POU2F1: variants seen among roughly 807,000 people sequenced by gnomAD.
POU2F1 encodes POU domain, class 2, transcription factor 1.
A neutral mutation model predicts 84.9 loss-of-function variants in POU2F1; 16 were observed. The ratio of observed to expected loss-of-function variants is 0.19; its 90% CI spans 0.13 to 0.29. The LOEUF is 0.29. Ranked by LOEUF, POU2F1 falls within the 10% of genes least tolerant of loss-of-function variation. The pLI, the probability that POU2F1 is intolerant of heterozygous loss-of-function variation, is 1.00. For missense variants in POU2F1, 738 were observed against 942.6 expected (o/e 0.78, Z 2.84); for synonymous variants, 368 against 368.3 (o/e 1.00, Z 0.01).
intron 8 of POU2F1, among the ~76,000 whole-genome samples, chr1:167,385,412 C>G (rs1490988071): frequency 1.3e-5 from 2 of 151,964 alleles, no homozygotes; most frequent in Non-Finnish European, 2.9e-5. Context: ...CTACTGATGT[C>G]AAGAATAATT....
intron 2 of POU2F1, among the ~76,000 whole-genome samples, chr1:167,347,739 A>G (rs1026987596): frequency 1.3e-5 from 2 of 152,162 alleles, no homozygotes; most frequent in Admixed American, 6.5e-5. Context: ...GTTTGTCTCT[A>G]TAAATTTACC....
At chr1:167,253,387 C>CA (rs1291805804) in intron 1 of POU2F1, among the ~76,000 whole-genome samples, 4 of 124,282 alleles carry the variant, frequency 3.2e-5, no homozygotes, top group African/African-American at 9.1e-5. Context: ...CCCCCCCCCC[C>CA]CCAAACACAC....
chr1:167,302,102 C>T (rs1654742207), intron 1 of POU2F1, among the ~76,000 whole-genome samples: 2 of 151,998 alleles, frequency 1.3e-5, no homozygotes, highest in Admixed American at 1.3e-4. Context: ...GAGTCTTGCT[C>T]TGTCACCCAG....
intron 1 of POU2F1, among the ~76,000 whole-genome samples, chr1:167,300,843 T>C (rs1327582547): frequency 3.9e-5 from 6 of 152,136 alleles, no homozygotes; most frequent in Non-Finnish European, 7.4e-5. Context: ...TGATCTCGGC[T>C]CACTGCAACC....
chr1:167,270,488 T>A (rs150425703), intron 1 of POU2F1, among the ~76,000 whole-genome samples: 1 of 152,174 alleles, frequency 6.6e-6, no homozygotes, highest in African/African-American at 2.4e-5. Flanking sequence ...CCATTCCTGT[T>A]GTCTGTGTAG....
At chr1:167,248,230 T>C (rs1234109421) in intron 1 of POU2F1, among the ~76,000 whole-genome samples, 4 of 152,246 alleles carry the variant, frequency 2.6e-5, no homozygotes, top group Non-Finnish European at 5.9e-5. Context: ...CATTTATTCA[T>C]GATAGACAAG....
rs536573679 is a variant in POU2F1 at position 167,359,204 on chromosome 1, CTA to C, written c.128-6261_128-6260del. 1.8e-4 allele frequency among the ~76,000 whole-genome samples: 26 copies of C among 146,616 alleles called. No individual in the cohort carries two copies. In the South Asian group the frequency reaches 5.3e-3, roughly 30 times the overall value. ...TAGACTTTTTTTAAAAAAAAAAAAA[CTA>C]TTTTTGTTTTAGATGTAGGGGGTAA... is the stretch of plus-strand genomic sequence containing the variant. On this transcript the variant is annotated intron_variant, in intron 2 of 15. Coordinates refer to ENST00000367866, the MANE Select transcript of POU2F1 (RefSeq NM_002697.4).
Position 167,420,918 on chromosome 1 carries a change from T to C in POU2F1, c.*5108T>C, listed in dbSNP as rs374085802. On this transcript the variant is annotated 3_prime_UTR_variant, in exon 16 of 16. Coordinates refer to ENST00000367866, the MANE Select transcript of POU2F1 (RefSeq NM_002697.4). ...ACTTGATGAACTTAAAGTTTGTTTA[T>C]TAGAGTTGAAAACATTAAAAGATGA... is the stretch of plus-strand genomic sequence containing the variant. 1 of 152,228 alleles carries C rather than the reference T, an allele frequency of 6.6e-6. No homozygotes were observed. The highest frequency in any genetic ancestry group is 6.5e-5 in the Admixed American group (1 of 15,288). 9.4% of individuals were successfully genotyped at this position (152,228 alleles called of 1,614,324 possible).
chr1:167,411,041 CT>C (rs749882885), intron 13 of POU2F1, among the ~76,000 whole-genome samples: 7,728 of 143,960 alleles, frequency 0.054, 439 homozygotes, highest in African/African-American at 0.15. Flanking sequence ...CAAATAATTT[CT>C]TTTTTTTTTT....
intron 1 of POU2F1, among the ~76,000 whole-genome samples, chr1:167,332,023 A>G (rs1303074952): frequency 6.6e-6 from 1 of 152,056 alleles, no homozygotes; most frequent in African/African-American, 2.4e-5. Context: ...TTTTATCAAG[A>G]TTACCAGTGG....
chr1:167,262,161 T>C (rs1257137371), intron 1 of POU2F1, among the ~76,000 whole-genome samples: 1 of 152,182 alleles, frequency 6.6e-6, no homozygotes, highest in Non-Finnish European at 1.5e-5. Context: ...GTTCAATAAA[T>C]GTTGCTTTTT....
In POU2F1 at chr1:167,220,915, A is replaced by G. The variant is rs745679840; in HGVS notation, c.18A>G (p.Ala6=). Residue 6 remains alanine, a synonymous_variant, in exon 1 of 16, where the codon GCA becomes GCG. Coordinates refer to ENST00000367866, the MANE Select transcript of POU2F1 (RefSeq NM_002697.4). MADGG[A]ASQDESSAAA... is the part of the protein sequence containing the mutation. ...TATTCAAAATGGCGGACGGAGGAGC[A>G]GCGAGTCAAGATGAGAGTTCAGCCG... 1.4e-5 allele frequency: 22 copies of G among 1,535,322 alleles called. No homozygotes were observed. Among genetic ancestry groups the G allele is most frequent in the South Asian group, 4.8e-5 (4 of 84,022 alleles).
rs545219639 is a variant in POU2F1 at position 167,424,854 on chromosome 1, A to T, written c.*9044A>T. 1.3e-5 allele frequency: 2 copies of T among 152,114 alleles called. No homozygotes were observed. Among genetic ancestry groups the T allele is most frequent in the South Asian group, 4.2e-4 (2 of 4,818 alleles). The allele number at this position is 152,114 out of a possible 1,614,324, so 9.4% of individuals were successfully genotyped here. On this transcript the variant is annotated 3_prime_UTR_variant, in exon 16 of 16. Transcript: ENST00000367866. Reference sequence around the variant, plus strand: ...GTTTCTGACAGCTGGCCACACGTCAACTTCTGTACTTGCCTTTTCCTTGGT... The same window carrying T: ...GTTTCTGACAGCTGGCCACACGTCATCTTCTGTACTTGCCTTTTCCTTGGT...
At chr1:167,237,773 T>TATATATATATATATATA (rs1491447077) in intron 1 of POU2F1, among the ~76,000 whole-genome samples, 2 of 50,924 alleles carry the variant, frequency 3.9e-5, no homozygotes, top group African/African-American at 7.8e-5. Context: ...TATATATATA[T>TATATATATATATATATA]TTTTTTTTTT....
chr1:167,321,005 C>T (rs1372016749), intron 1 of POU2F1, among the ~76,000 whole-genome samples: 1 of 152,154 alleles, frequency 6.6e-6, no homozygotes, highest in Non-Finnish European at 1.5e-5. Flanking sequence ...TTCTGTGGCA[C>T]AATGGTAGTG....
In POU2F1 at chr1:167,427,275, CTT is replaced by C. The variant is rs1270086407; in HGVS notation, c.*11466_*11467del. The stretch of plus-strand genomic sequence containing the variant: ...TGTAATTTTTTATATATATATTAAA[CTT>C]ACTGTAACTGTACAGTTCATTTCTG... On this transcript the variant is annotated 3_prime_UTR_variant, in exon 16 of 16. Transcript: ENST00000367866. 2 of 152,134 alleles carry C rather than the reference CTT, an allele frequency of 1.3e-5. No homozygotes were observed. The highest frequency in any genetic ancestry group is 2.9e-5 in the Non-Finnish European group (2 of 68,020). The allele number at this position is 152,134 out of a possible 1,614,324, so 9.4% of individuals were successfully genotyped here.
chr1:167,307,854 T>C (rs1260535342), intron 1 of POU2F1, among the ~76,000 whole-genome samples: 1 of 152,148 alleles, frequency 6.6e-6, no homozygotes, highest in African/African-American at 2.4e-5. Flanking sequence ...CTCTTTACTG[T>C]TGTTCAATCT....
At chr1:167,344,784 A>G (rs1223623527) in intron 2 of POU2F1, among the ~76,000 whole-genome samples, 1 of 152,150 alleles carries the variant, frequency 6.6e-6, no homozygotes, top group Non-Finnish European at 1.5e-5. Context: ...GGGACGTTAG[A>G]AGGGCCTCCT....
chr1:167,407,348 A>T (rs1649653584), intron 13 of POU2F1, among the ~76,000 whole-genome samples: 1 of 152,182 alleles, frequency 6.6e-6, no homozygotes, highest in East Asian at 1.9e-4. Context: ...TGATTTATAG[A>T]TTCAACAAAA....
Sources: gnomAD v4.1 joint callset for allele counts (sites outside exome capture counted in the v4.1 genomes callset) on GRCh38, gnomAD v4.1.1 for gene constraint, MANE v1.5 for transcripts, NCBI Gene and HGNC (gene_info 2026-07-23, HGNC 2026-07-21) for gene names.